WWOX: variants seen among roughly 807,000 people sequenced by gnomAD.
WWOX encodes WW domain-containing oxidoreductase.
In WWOX, 69 loss-of-function variants were observed where a neutral mutation model predicts 46.2. The observed-to-expected ratio is 1.49, with a 90% CI of 1.23 to 1.82. The LOEUF (loss-of-function observed/expected upper bound fraction) is 1.82, where lower values mean the gene tolerates loss of function less well. WWOX is among the 40% of genes most tolerant of loss of function. The pLI is 0.00. For missense variants in WWOX, 919 were observed against 542.6 expected (o/e 1.69, Z -6.89); for synonymous variants, 359 against 202.6 (o/e 1.77, Z -6.56).
intron 8 of WWOX, among the ~76,000 whole-genome samples, chr16:78,796,294 C>G (rs978412270): frequency 6.6e-6 from 1 of 152,206 alleles, no homozygotes; most frequent in Non-Finnish European, 1.5e-5. Context: ...TGGGCTCAGC[C>G]ATACCCTGGA....
intron 8 of WWOX, among the ~76,000 whole-genome samples, chr16:78,790,991 C>T (rs1361784020): frequency 7.6e-6 from 1 of 131,610 alleles, no homozygotes; most frequent in Non-Finnish European, 1.5e-5. Flanking sequence ...TGCACTCCAC[C>T]CTGGGTGACA....
At chr16:78,598,370 G>A (rs541480962) in intron 8 of WWOX, among the ~76,000 whole-genome samples, 11 of 152,310 alleles carry the variant, frequency 7.2e-5, no homozygotes, top group African/African-American at 2.6e-4. Flanking sequence ...GAAAGCTCAT[G>A]TAGACTGGGT....
At chr16:78,622,144 A>T (rs890822279) in intron 8 of WWOX, among the ~76,000 whole-genome samples, 2 of 152,162 alleles carry the variant, frequency 1.3e-5, no homozygotes, top group Non-Finnish European at 2.9e-5. Flanking sequence ...AGATATGACT[A>T]TTGGGAAGAA....
chr16:78,884,287 AAAAAAAC>A (rs1440830688), intron 8 of WWOX, among the ~76,000 whole-genome samples: 17 of 150,144 alleles, frequency 1.1e-4, no homozygotes, highest in Non-Finnish European at 2.5e-4. Context: ...AAAAAAAAAA[AAAAAAAC>A]AAAAGACCAT....
chr16:78,531,693 A>G, intron 8 of WWOX, among the ~76,000 whole-genome samples: 1 of 151,676 alleles, frequency 6.6e-6, no homozygotes, highest in South Asian at 2.1e-4. Flanking sequence ...AAATACAAAA[A>G]TTTTTTTGTA....
intron 8 of WWOX, among the ~76,000 whole-genome samples, chr16:79,087,227 C>T (rs2048870146): frequency 6.6e-6 from 1 of 152,194 alleles, no homozygotes; most frequent in Admixed American, 6.5e-5. Flanking sequence ...TCAAAAGTGG[C>T]ATGGATCAGT....
intron 6 of WWOX, among the ~76,000 whole-genome samples, chr16:78,419,376 A>G (rs1037756820): frequency 2.0e-5 from 3 of 152,042 alleles, no homozygotes; most frequent in African/African-American, 7.2e-5. Flanking sequence ...CCATTTCTCA[A>G]TTTCAAAACT....
intron 4 of WWOX, among the ~76,000 whole-genome samples, chr16:78,149,645 C>T (rs867727818): frequency 6.6e-6 from 1 of 152,210 alleles, no homozygotes; most frequent in Non-Finnish European, 1.5e-5. Context: ...TCTTTCCGGA[C>T]AGCTGCTTAG....
chr16:78,694,540 C>T (rs371695903), intron 8 of WWOX, among the ~76,000 whole-genome samples: 1 of 152,114 alleles, frequency 6.6e-6, no homozygotes, highest in East Asian at 1.9e-4. Flanking sequence ...TTCCACTTTG[C>T]CTCTGGTAGC....
rs549528550 is a variant in WWOX, at chr16:78,652,636, C to G, written c.1056+219884C>G. 2.0e-5 allele frequency among the ~76,000 whole-genome samples: 3 copies of G among 152,220 alleles called. No individual in the cohort carries two copies. The South Asian group carries it at 6.2e-4, about 32-fold the overall frequency. ...GCTCCTGCCATCATTAGCACACAGC[C>G]AAGATTCCTCGACCACCCATGACTC... On this transcript the variant is annotated intron_variant, in intron 8 of 8. Transcript: ENST00000566780.
At chr16:78,507,466 T>G (rs2085239153) in intron 8 of WWOX, among the ~76,000 whole-genome samples, 1 of 152,228 alleles carries the variant, frequency 6.6e-6, no homozygotes, top group Admixed American at 6.5e-5. Flanking sequence ...GGTAACACTT[T>G]AGAATACTTC....
intron 5 of WWOX, among the ~76,000 whole-genome samples, chr16:78,279,906 GGAAA>G (rs1307386307): frequency 6.6e-6 from 1 of 152,220 alleles, no homozygotes; most frequent in Admixed American, 6.5e-5. Context: ...GAGTGCATAG[GGAAA>G]AGGGAGGAGA....
At chr16:79,080,577 C>G (rs1361330373) in intron 8 of WWOX, among the ~76,000 whole-genome samples, 2 of 152,196 alleles carry the variant, frequency 1.3e-5, no homozygotes, top group Non-Finnish European at 1.5e-5. Context: ...AACACTGAAT[C>G]TCGAATCCAA....
At chr16:78,772,356 C>T (rs11865389) in intron 8 of WWOX, among the ~76,000 whole-genome samples, 3,949 of 152,238 alleles carry the variant, frequency 0.026, 181 homozygotes, top group African/African-American at 0.091. Flanking sequence ...TCCGTGTTCT[C>T]GCAGAAGACA....
At chr16:78,551,986 T>A (rs1474999053) in intron 8 of WWOX, 2 of 152,294 alleles carry the variant, frequency 1.3e-5, no homozygotes, top group African/African-American at 4.8e-5. Context: ...CTCTGCTGTG[T>A]TAACAGAACT....
At chr16:78,426,938 A>C (rs2083093592) in intron 7 of WWOX, among the ~76,000 whole-genome samples, 1 of 152,180 alleles carries the variant, frequency 6.6e-6, no homozygotes, top group Non-Finnish European at 1.5e-5. Context: ...CTGTGATTAC[A>C]GGCGTGAGCC....
At chr16:79,013,472 T>G (rs1166553042) in intron 8 of WWOX, among the ~76,000 whole-genome samples, 4 of 152,164 alleles carry the variant, frequency 2.6e-5, no homozygotes, top group African/African-American at 9.7e-5. Flanking sequence ...TGTGCTCTTC[T>G]AAGAGTAAAA....
intron 8 of WWOX, among the ~76,000 whole-genome samples, chr16:78,458,484 C>G (rs899255922): frequency 6.6e-6 from 1 of 152,042 alleles, no homozygotes; most frequent in East Asian, 1.9e-4. Flanking sequence ...TGGTCTGGAA[C>G]TCCTGTGCTC....
intron 8 of WWOX, among the ~76,000 whole-genome samples, chr16:79,180,527 G>A (rs552193963): frequency 6.6e-6 from 1 of 152,320 alleles, no homozygotes; most frequent in East Asian, 1.9e-4. Flanking sequence ...ACCCTCAAAT[G>A]TGGGAAGGAG....
Sources: gnomAD v4.1 joint callset for allele counts (sites outside exome capture counted in the v4.1 genomes callset) on GRCh38, gnomAD v4.1.1 for gene constraint, MANE v1.5 for transcripts, NCBI Gene and HGNC (gene_info 2026-07-23, HGNC 2026-07-21) for gene names.